S100A5: variants seen among roughly 807,000 people sequenced by gnomAD.
The protein encoded by S100A5 is S100 calcium binding protein A5.
In S100A5, 5 loss-of-function variants were observed where a neutral mutation model predicts 6.7. The observed-to-expected ratio is 0.75, with a 90% CI of 0.39 to 1.57. The LOEUF (loss-of-function observed/expected upper bound fraction) is 1.57. Ranked by LOEUF, S100A5 falls within the 40% of genes most tolerant of loss-of-function variation. S100A5 has a pLI of 0.03. For synonymous variants in S100A5, 49 were observed against 44.9 expected, an observed-to-expected ratio of 1.09 and a Z score of -0.37; for missense variants, 129 against 110.8, an observed-to-expected ratio of 1.16 and a Z score of -0.74.
chr1:153,539,419 T>C (rs1434909837), intron 2 of S100A5, among the ~76,000 whole-genome samples: 3 of 67,212 alleles, frequency 4.5e-5, no homozygotes, highest in Non-Finnish European at 7.1e-5. Context: ...AGAGCGAGAC[T>C]CTCTCAAAAA....
intron 2 of S100A5, among the ~76,000 whole-genome samples, chr1:153,538,990 C>T (rs116068182): frequency 0.018 from 2,706 of 151,912 alleles, 88 homozygotes; most frequent in African/African-American, 0.062. Flanking sequence ...ATTATCTAAG[C>T]GTGGTGGTAT....
chr1:153,541,802 C>T (rs1047328075), upstream of S100A5: 3 of 1,060,924 alleles, frequency 2.8e-6, no homozygotes, highest in Admixed American at 5.2e-5. Context: ...TCCTAGGAAG[C>T]TCTCCACATC....
chr1:153,543,287 T>G (rs114448713), upstream of S100A5: 4,914 of 985,356 alleles, frequency 5.0e-3, 178 homozygotes, highest in African/African-American at 0.081. Flanking sequence ...GGAACAGATA[T>G]GACCTTCAAT....
chr1:153,537,471 C>T (rs776606716), intron 2 of S100A5, 35 bp from the exon 3 acceptor site: 38 of 1,610,530 alleles, frequency 2.4e-5, no homozygotes, highest in Admixed American at 1.8e-4. Flanking sequence ...CAGCTCAGAC[C>T]CCGCTCCCAG....
At position 153,540,043 on chromosome 1, in the gene S100A5, C is replaced by A. The variant is rs748689002; in HGVS notation, c.138+11G>T. ...GACTTTGGGGTGGAGGATGAGGGAACAATCACCTACCTCCCCAAGACACAG... is the reference window on the plus strand; with the variant it reads ...GACTTTGGGGTGGAGGATGAGGGAAAAATCACCTACCTCCCCAAGACACAG... On this transcript the variant is annotated intron_variant, in intron 2 of 2. Coordinates refer to ENST00000368717, the MANE Select transcript of S100A5 (RefSeq NM_001394232.1). 1.1e-5 allele frequency: 18 copies of A among 1,613,580 alleles called. 1 individual carries two copies. Among genetic ancestry groups the A allele is most frequent in the South Asian group, 4.4e-5 (4 of 91,046 alleles).
chr1:153,542,793 C>T (rs773937741), upstream of S100A5, among the ~76,000 whole-genome samples: 7 of 152,114 alleles, frequency 4.6e-5, no homozygotes, highest in Non-Finnish European at 8.8e-5. Flanking sequence ...AAAATAATCT[C>T]AATTTCATTT....
At position 153,540,111 on chromosome 1, in the gene S100A5, C is replaced by A. The variant is rs766214350; in HGVS notation, c.81G>T (p.Leu27=). 1.2e-6 allele frequency: 2 copies of A among 1,614,162 alleles called. No homozygotes were observed. The highest frequency in any genetic ancestry group is 3.3e-5 in the Admixed American group (2 of 60,024). ...CCTTGAGTTCCTTCCTACTCAGGGT[C>A]AGTTTGCTACCCTCTCTCCCCGAAT... ...HKYSGREGSK[L]TLSRKELKEL... Residue 27 remains leucine (L), a synonymous_variant, in exon 2 of 3, where the codon CTG becomes CTT. Transcript: ENST00000368717.
chr1:153,543,150 A>C (rs11486138), upstream of S100A5: 5,203 of 878,616 alleles, frequency 5.9e-3, 236 homozygotes, highest in African/African-American at 0.088. Flanking sequence ...TGTCAACGTC[A>C]GCACTGAGTG....
chr1:153,543,664 C>G, upstream of S100A5: 1 of 1,183,932 alleles, frequency 8.4e-7, no homozygotes, highest in South Asian at 1.4e-5. Context: ...GCATCAAGCA[C>G]GTGTCTGAAG....
chr1:153,542,006 C>T (rs917039724), upstream of S100A5: 8 of 573,264 alleles, frequency 1.4e-5, no homozygotes, highest in Non-Finnish European at 1.8e-5. Flanking sequence ...AGGAAAGGCT[C>T]GTCGGAGACT....
chr1:153,543,093 G>T, upstream of S100A5: 1 of 398,228 alleles, frequency 2.5e-6, no homozygotes, highest in Non-Finnish European at 3.4e-6. Context: ...CATCCCTGTG[G>T]TTTGAAGCCA....
upstream of S100A5, chr1:153,541,789 G>A (rs951023673): frequency 3.2e-5 from 34 of 1,077,742 alleles, no homozygotes; most frequent in East Asian, 5.4e-4. Context: ...CCATCTCCCC[G>A]TGTCCTAGGA....
intron 2 of S100A5, among the ~76,000 whole-genome samples, chr1:153,539,473 A>ATATATATATT (rs1421762845): frequency 1.5e-4 from 17 of 115,138 alleles, no homozygotes; most frequent in African/African-American, 6.6e-4. Context: ...ATATATATAT[A>ATATATATATT]TATTTATTTA....
At chr1:153,541,605 G>A (rs536226895), upstream of S100A5, 3 of 1,203,990 alleles carry the variant, frequency 2.5e-6, no homozygotes, top group East Asian at 5.9e-5. Context: ...TACAAACAAG[G>A]GCTGGGGACA....
upstream of S100A5, among the ~76,000 whole-genome samples, chr1:153,541,065 A>G (rs1178765526): frequency 6.6e-6 from 1 of 152,110 alleles, no homozygotes; most frequent in African/African-American, 2.4e-5. Flanking sequence ...CCTCCCTGCC[A>G]TTCTTGAACC....
chr1:153,540,618 C>G lies in S100A5; in HGVS notation c.-15+3G>C, dbSNP rs1441661946. 3 of 175,852 alleles carry G rather than the reference C, an allele frequency of 1.7e-5. No homozygotes were observed. In the East Asian group the frequency reaches 4.6e-4, roughly 27 times the overall value. 10.9% of individuals were successfully genotyped at this position (175,852 alleles called of 1,614,324 possible). On this transcript the variant is annotated splice_donor_region_variant and intron_variant, in intron 1 of 2. Transcript: ENST00000368717. Reference sequence around the variant, plus strand: ...CCAGCCTTTCCCCCAGTGCCTGAATCACCTGATATCGAGGAGTGTCCCATT... The same window carrying G: ...CCAGCCTTTCCCCCAGTGCCTGAATGACCTGATATCGAGGAGTGTCCCATT...
intron 2 of S100A5, among the ~76,000 whole-genome samples, chr1:153,539,405 T>A (rs1665294636): frequency 9.0e-6 from 1 of 111,070 alleles, no homozygotes; most frequent in Non-Finnish European, 1.7e-5. Context: ...CCAGCCTGGG[T>A]GACAGAGCGA....
upstream of S100A5, chr1:153,542,029 G>A: frequency 2.5e-6 from 1 of 399,320 alleles, no homozygotes; most frequent in African/African-American, 2.2e-5. Context: ...TGGCATGGAG[G>A]ACTGAGAATC....
chr1:153,539,472 TA>T (rs1369403864), intron 2 of S100A5, among the ~76,000 whole-genome samples: 13 of 122,466 alleles, frequency 1.1e-4, no homozygotes, highest in Non-Finnish European at 1.9e-4. Flanking sequence ...TATATATATA[TA>T]TATTTATTTA....
Sources: allele counts gnomAD v4.1 joint callset (sites outside exome capture counted in the v4.1 genomes callset), GRCh38; gene constraint gnomAD v4.1.1; transcripts MANE v1.5; gene names NCBI Gene and HGNC (gene_info 2026-07-23, HGNC 2026-07-21).